Variants in GABRA3 observed in about 807,000 individuals in gnomAD.
GABRA3 encodes the protein gamma-aminobutyric acid type A receptor subunit alpha3.
In GABRA3, 10 loss-of-function variants were observed where a neutral mutation model predicts 30.1. The ratio of observed to expected loss-of-function variants is 0.33; its 90% CI spans 0.20 to 0.56. The LOEUF is 0.56. Among genes scored for constraint, GABRA3 ranks in the 20% least tolerant of loss-of-function variants. GABRA3 has a pLI of 0.89. For synonymous variants in GABRA3, 151 were observed against 146.8 expected (o/e 1.03, Z -0.21); for missense variants, 233 against 392.0 (o/e 0.59, Z 3.42).
chrX:152,303,640 A>G (rs1447363248), intron 3 of GABRA3, among the ~76,000 whole-genome samples: 2 of 111,952 alleles, frequency 1.8e-5, no homozygotes, highest in Admixed American at 1.9e-4. Flanking sequence ...CATAAAAATG[A>G]AAGAGTTTAT....
chrX:152,372,690 T>A (rs981288680), intron 1 of GABRA3, among the ~76,000 whole-genome samples: 4 of 111,966 alleles, frequency 3.6e-5, no homozygotes, highest in African/African-American at 1.3e-4. Context: ...AGAGGTATAA[T>A]CTCAAGACTA....
intron 6 of GABRA3, among the ~76,000 whole-genome samples, chrX:152,211,512 A>G (rs1490537496): frequency 1.8e-5 from 2 of 111,836 alleles, no homozygotes; most frequent in Non-Finnish European, 3.8e-5. Context: ...AGCAGGAAAG[A>G]CATGAATAAG....
chrX:152,392,827 C>G (rs1310731947), intron 1 of GABRA3, among the ~76,000 whole-genome samples: 1 of 112,347 alleles, frequency 8.9e-6, no homozygotes, highest in Non-Finnish European at 1.9e-5. Context: ...TAGATAGATA[C>G]AGCACACAAA....
chrX:152,314,914 A>G (rs1339627504), intron 3 of GABRA3, among the ~76,000 whole-genome samples: 1 of 112,058 alleles, frequency 8.9e-6, no homozygotes. Flanking sequence ...TACATTAAGT[A>G]CAATGGTTGG....
chrX:152,282,177 G>C (rs1939210199), intron 4 of GABRA3, among the ~76,000 whole-genome samples: 1 of 111,740 alleles, frequency 8.9e-6, no homozygotes, highest in Non-Finnish European at 1.9e-5. Context: ...CCCCCTTTGT[G>C]AACAAAAGAC....
intron 6 of GABRA3, among the ~76,000 whole-genome samples, chrX:152,214,415 T>G (rs1429294243): frequency 1.8e-5 from 2 of 111,440 alleles, no homozygotes; most frequent in Non-Finnish European, 3.8e-5. Flanking sequence ...GTAGGTGTCT[T>G]TTTATGTTCC....
At chrX:152,294,774 C>A (rs1939494752) in intron 3 of GABRA3, among the ~76,000 whole-genome samples, 1 of 111,595 alleles carries the variant, frequency 9.0e-6, no homozygotes, top group African/African-American at 3.3e-5. Flanking sequence ...TTTTATCTAC[C>A]TTTGGTCTTT....
chrX:152,263,135 C>G (rs181465210), intron 4 of GABRA3, among the ~76,000 whole-genome samples: 213 of 110,919 alleles, frequency 1.9e-3, no homozygotes, highest in African/African-American at 6.6e-3. Flanking sequence ...ATTCAATTAC[C>G]TCCAACCGGG....
chrX:152,300,848 A>G (rs1939618403), intron 3 of GABRA3, among the ~76,000 whole-genome samples: 1 of 112,048 alleles, frequency 8.9e-6, no homozygotes, highest in African/African-American at 3.2e-5. Context: ...AACAGTAAGA[A>G]AAATGGCTGG....
chrX:152,257,271 T>C (rs1312531235), intron 4 of GABRA3, among the ~76,000 whole-genome samples: 1 of 112,013 alleles, frequency 8.9e-6, no homozygotes, highest in Non-Finnish European at 1.9e-5. Context: ...TGGAAATTCA[T>C]GAGGATGTCC....
At chrX:152,263,391 A>G (rs1938766292) in intron 4 of GABRA3, among the ~76,000 whole-genome samples, 1 of 110,429 alleles carries the variant, frequency 9.1e-6, no homozygotes, top group African/African-American at 3.3e-5. Flanking sequence ...GTTAAAAAGA[A>G]TCAAGCAGAA....
At chrX:152,273,065 G>A (rs1938976775) in intron 4 of GABRA3, among the ~76,000 whole-genome samples, 1 of 111,708 alleles carries the variant, frequency 9.0e-6, no homozygotes, top group African/African-American at 3.3e-5. Context: ...GAAGATATAA[G>A]CCGCTCAAAC....
At chrX:152,369,263 C>G (rs1384573177) in intron 1 of GABRA3, among the ~76,000 whole-genome samples, 5 of 111,715 alleles carry the variant, frequency 4.5e-5, no homozygotes, top group Non-Finnish European at 9.4e-5. Flanking sequence ...TGAGAGAATG[C>G]ATATGCTAAT....
chrX:152,433,555 T>C (rs1033956084), intron 1 of GABRA3, among the ~76,000 whole-genome samples: 8 of 109,656 alleles, frequency 7.3e-5, no homozygotes, highest in African/African-American at 9.9e-5. Context: ...AGTTACAGCA[T>C]TAAATCTTAT....
intron 6 of GABRA3, among the ~76,000 whole-genome samples, chrX:152,220,448 A>G (rs942707489): frequency 9.0e-6 from 1 of 111,381 alleles, no homozygotes; most frequent in Non-Finnish European, 1.9e-5. Context: ...CAGCTTTTCA[A>G]TCCATTCTGA....
intron 3 of GABRA3, among the ~76,000 whole-genome samples, chrX:152,285,968 C>A (rs1193928109): frequency 9.5e-6 from 1 of 105,741 alleles, no homozygotes; most frequent in African/African-American, 3.5e-5. Context: ...GTACTTAGTA[C>A]TATAAATTTC....
intron 3 of GABRA3, among the ~76,000 whole-genome samples, chrX:152,305,490 C>T (rs1376970453): frequency 9.0e-6 from 1 of 110,987 alleles, no homozygotes; most frequent in East Asian, 2.8e-4. Flanking sequence ...AACCCCCTGA[C>T]ACACATATTT....
intron 6 of GABRA3, among the ~76,000 whole-genome samples, chrX:152,217,448 T>C (rs1937746956): frequency 9.0e-6 from 1 of 111,564 alleles, no homozygotes; most frequent in African/African-American, 3.2e-5. Flanking sequence ...GGTTTTGATA[T>C]CAGGGTAACA....
At chrX:152,285,858 C>A (rs1939283007) in intron 3 of GABRA3, among the ~76,000 whole-genome samples, 1 of 107,639 alleles carries the variant, frequency 9.3e-6, no homozygotes, top group South Asian at 4.1e-4. Context: ...GACCTAATCG[C>A]CTTCTAAAGG....
Sources: allele counts gnomAD v4.1 joint callset (sites outside exome capture counted in the v4.1 genomes callset), GRCh38; gene constraint gnomAD v4.1.1; transcripts MANE v1.5; gene names NCBI Gene and HGNC (gene_info 2026-07-23, HGNC 2026-07-21).